The following CNBD1 variants were observed in gnomAD, a reference collection of about 807,000 sequenced individuals.
CNBD1 encodes cyclic nucleotide binding domain containing 1.
Under a neutral mutation model 54.4 loss-of-function variants are expected in CNBD1, and 71 were observed. The observed-to-expected ratio is 1.30, with a 90% CI of 1.08 to 1.59. The LOEUF is 1.59. CNBD1 is among the 40% of genes most tolerant of loss of function. The pLI, the probability that CNBD1 is intolerant of heterozygous loss-of-function variation, is 0.00. For synonymous variants in CNBD1, 182 were observed against 170.7 expected (o/e 1.07, Z -0.51); for missense variants, 659 against 518.0 (o/e 1.27, Z -2.64).
rs959036919 is a variant in CNBD1 at position 87,417,806 on chromosome 8, T to C, written c.214-10740T>C. Among the ~76,000 whole-genome samples the C allele has an allele frequency of 1.2e-4, 18 of 151,982 alleles. No individual in the cohort carries two copies. The Middle Eastern group carries it at 0.01, about 87-fold the overall frequency. ...ACTGTATACTTAGTATCAATATTAG[T>C]ATCAATATATGATAGTAACAATATA... On this transcript the variant is annotated intron_variant, in intron 2 of 7. Coordinates refer to the CNBD1 transcript ENST00000521593.
intron 8 of CNBD1, among the ~76,000 whole-genome samples, chr8:87,328,635 C>T (rs778954555): frequency 7.9e-5 from 12 of 151,900 alleles, no homozygotes; most frequent in African/African-American, 2.2e-4. Context: ...GTCTGTTTAT[C>T]TATAAAATGC....
At chr8:87,247,385 G>A (rs947736581) in intron 6 of CNBD1, among the ~76,000 whole-genome samples, 2 of 152,172 alleles carry the variant, frequency 1.3e-5, no homozygotes, top group Non-Finnish European at 2.9e-5. Flanking sequence ...GGCCCTGGCT[G>A]TGTCTCTTTC....
At chr8:87,258,521 T>C (rs868811876) in intron 6 of CNBD1, among the ~76,000 whole-genome samples, 5 of 152,088 alleles carry the variant, frequency 3.3e-5, no homozygotes, top group Admixed American at 6.6e-5. Flanking sequence ...CAACTCCTAA[T>C]CTCAAGTGAT....
intron 10 of CNBD1, among the ~76,000 whole-genome samples, chr8:87,364,601 C>T (rs1426243570): frequency 6.6e-6 from 1 of 151,708 alleles, no homozygotes; most frequent in Non-Finnish European, 1.5e-5. Flanking sequence ...GGTATCAAGC[C>T]TAGTTCCCAT....
At chr8:86,965,037 C>T (rs994623406) in intron 4 of CNBD1, among the ~76,000 whole-genome samples, 1 of 152,184 alleles carries the variant, frequency 6.6e-6, no homozygotes, top group Non-Finnish European at 1.5e-5. Context: ...ATTACAAGAA[C>T]ATTTTTACCA....
At chr8:86,870,093 G>T (rs1032858672) in intron 1 of CNBD1, among the ~76,000 whole-genome samples, 17 of 148,886 alleles carry the variant, frequency 1.1e-4, no homozygotes, top group Non-Finnish European at 2.5e-4. Context: ...ACATTTCTAG[G>T]TATCTTTCAT....
At chr8:87,420,799 G>C (rs556404238) in intron 2 of CNBD1, among the ~76,000 whole-genome samples, 13 of 150,018 alleles carry the variant, frequency 8.7e-5, no homozygotes, top group African/African-American at 3.2e-4. Context: ...ACAGTCGTTG[G>C]TATATTTATT....
At chr8:86,978,397 G>T (rs1209377591) in intron 4 of CNBD1, among the ~76,000 whole-genome samples, 1 of 151,924 alleles carries the variant, frequency 6.6e-6, no homozygotes, top group Non-Finnish European at 1.5e-5. Context: ...AGATAATTTA[G>T]ACAGTCTGAA....
intron 4 of CNBD1, among the ~76,000 whole-genome samples, chr8:87,129,987 G>A (rs1812084800): frequency 6.6e-6 from 1 of 152,080 alleles, no homozygotes; most frequent in African/African-American, 2.4e-5. Context: ...ATGGCAGCAG[G>A]CAGAGAGAGA....
intron 10 of CNBD1, among the ~76,000 whole-genome samples, chr8:87,357,309 A>G (rs1394957653): frequency 6.6e-6 from 1 of 152,166 alleles, no homozygotes; most frequent in Non-Finnish European, 1.5e-5. Flanking sequence ...AGCCATGGGC[A>G]GCTTGCACTC....
chr8:87,174,326 T>C (rs1457903102), intron 4 of CNBD1, among the ~76,000 whole-genome samples: 1 of 152,144 alleles, frequency 6.6e-6, no homozygotes. Context: ...AGCTCACGAA[T>C]TCTTTCTTTG....
rs1195272726 is a variant in CNBD1, at chr8:87,325,322, C to T, written c.1043-26363C>T. On this transcript the variant is annotated intron_variant, in intron 8 of 10. Transcript: ENST00000518476. Reference sequence around the variant, plus strand: ...GTTCTGTAGATGTCTATTAGGTCCGCTTGGTACAGAGCTGAGTTCAATTCC... The same window carrying T: ...GTTCTGTAGATGTCTATTAGGTCCGTTTGGTACAGAGCTGAGTTCAATTCC... Among the ~76,000 whole-genome samples, 2 of 93,460 alleles carry T rather than the reference C, an allele frequency of 2.1e-5. 1 individual carries two copies. The highest frequency in any genetic ancestry group is 4.3e-4 in the East Asian group (2 of 4,654). The allele number at this position is 93,460 out of a possible 152,430, so 61.3% of individuals were successfully genotyped here.
chr8:86,993,130 T>C (rs746293864), intron 4 of CNBD1, among the ~76,000 whole-genome samples: 4 of 152,156 alleles, frequency 2.6e-5, no homozygotes, highest in Non-Finnish European at 5.9e-5. Flanking sequence ...ATCCAATATT[T>C]CTTGGAGATT....
chr8:87,352,672 G>C (rs1418421058), intron 9 of CNBD1, among the ~76,000 whole-genome samples: 1 of 152,068 alleles, frequency 6.6e-6, no homozygotes, highest in Non-Finnish European at 1.5e-5. Flanking sequence ...TGCCAAACCT[G>C]AATGAGCATG....
chr8:86,887,405 C>T, intron 1 of CNBD1, 137 bp from the exon 2 acceptor site: 1 of 581,648 alleles, frequency 1.7e-6, no homozygotes, highest in South Asian at 2.6e-5. Flanking sequence ...GTGTATTAAA[C>T]AAAGACTGTT....
At chr8:87,259,913 T>A (rs1465819026) in intron 6 of CNBD1, among the ~76,000 whole-genome samples, 4 of 152,180 alleles carry the variant, frequency 2.6e-5, no homozygotes, top group African/African-American at 7.2e-5. Flanking sequence ...TGGCTGATAT[T>A]TCTCACTTTT....
intron 8 of CNBD1, among the ~76,000 whole-genome samples, chr8:87,295,922 A>C (rs1406916883): frequency 6.6e-6 from 1 of 152,176 alleles, no homozygotes; most frequent in African/African-American, 2.4e-5. Flanking sequence ...TAATAAAAGT[A>C]ATTTCTACTA....
At chr8:87,030,002 G>A (rs1809746280) in intron 4 of CNBD1, among the ~76,000 whole-genome samples, 1 of 152,102 alleles carries the variant, frequency 6.6e-6, no homozygotes, top group Non-Finnish European at 1.5e-5. Flanking sequence ...ATTTAGATAT[G>A]CTTTTTAAAA....
At chr8:87,085,238 A>G (rs1811073533) in intron 4 of CNBD1, among the ~76,000 whole-genome samples, 1 of 152,110 alleles carries the variant, frequency 6.6e-6, no homozygotes, top group South Asian at 2.1e-4. Flanking sequence ...TTTTATTTCT[A>G]TAATCACTGC....
Sources: gnomAD v4.1 joint callset for allele counts (sites outside exome capture counted in the v4.1 genomes callset) on GRCh38, gnomAD v4.1.1 for gene constraint, MANE v1.5 for transcripts, NCBI Gene and HGNC (gene_info 2026-07-23, HGNC 2026-07-21) for gene names.